Variants in DAZAP1 observed in about 807,000 individuals in gnomAD.
DAZAP1 encodes the protein DAZ associated protein 1.
A neutral mutation model predicts 60.1 loss-of-function variants in DAZAP1; 6 were observed. The observed-to-expected ratio is 0.10, with a 90% CI of 0.05 to 0.20. The LOEUF (loss-of-function observed/expected upper bound fraction) is 0.20, where lower values mean the gene tolerates loss of function less well. DAZAP1 is among the 10% of genes least tolerant of loss of function. DAZAP1 has a pLI of 1.00. For synonymous variants in DAZAP1, 235 were observed against 215.9 expected, an observed-to-expected ratio of 1.09 and a Z score of -0.78; for missense variants, 366 against 560.4, an observed-to-expected ratio of 0.65 and a Z score of 3.50.
chr19:1,422,498 C>T lies in DAZAP1; in HGVS notation c.463+102C>T. On this transcript the variant is annotated intron_variant, in intron 6 of 11. Coordinates refer to ENST00000233078, the MANE Select transcript of DAZAP1 (RefSeq NM_018959.4). This position sits in a 1 kb window ranked among gnomAD's most constrained non-coding sequence, Gnocchi z 4.5. ...ACACACAGGTGGCGGCTGTAGCAAA[C>T]AGCCTCAGGAAGGGACGATTTGGAG... 1 of 1,136,444 alleles carries T rather than the reference C, an allele frequency of 8.8e-7. No homozygotes were observed. Among genetic ancestry groups the T allele is most frequent in the East Asian group, 2.5e-5 (1 of 40,630 alleles). The allele number at this position is 1,136,444 out of a possible 1,614,324, so 70.4% of individuals were successfully genotyped here.
In DAZAP1 at chr19:1,435,417, G is replaced by C. The variant is rs2083574385; in HGVS notation, c.*505G>C. On this transcript the variant is annotated 3_prime_UTR_variant, in exon 12 of 12. Coordinates refer to ENST00000233078, the MANE Select transcript of DAZAP1 (RefSeq NM_018959.4). ...CTCCTGGCTTTGGGGGTTGGGACTTGGTGGTCCAGAAACTCTGGGAGCTTC... is the reference window on the plus strand; with the variant it reads ...CTCCTGGCTTTGGGGGTTGGGACTTCGTGGTCCAGAAACTCTGGGAGCTTC... 6.6e-6 allele frequency: 1 copy of C among 152,240 alleles called. No homozygotes were observed. The highest frequency in any genetic ancestry group is 6.5e-5 in the Admixed American group (1 of 15,282). The allele number at this position is 152,240 out of a possible 1,614,324, so 9.4% of individuals were successfully genotyped here. A position where few individuals can be genotyped will look rare whatever the true frequency, so the allele number is the denominator to read the frequency against.
chr19:1,412,673 CTT>C (rs2082864465), intron 1 of DAZAP1, among the ~76,000 whole-genome samples: 1 of 152,260 alleles, frequency 6.6e-6, no homozygotes, highest in South Asian at 2.1e-4. Context: ...TGCAGATGGA[CTT>C]TACGCATAAA....
In DAZAP1 at chr19:1,426,448, T is replaced by A. The variant is rs1600231064; in HGVS notation, c.546+488T>A. 6.3e-6 allele frequency: 1 copy of A among 158,020 alleles called. No homozygotes were observed. The highest frequency in any genetic ancestry group is 1.8e-4 in the South Asian group (1 of 5,486). The allele number at this position is 158,020 out of a possible 1,614,324, so 9.8% of individuals were successfully genotyped here. A position where few individuals can be genotyped will look rare whatever the true frequency, so the allele number is the denominator to read the frequency against. On this transcript the variant is annotated intron_variant, in intron 7 of 11. Transcript: ENST00000233078. The surrounding 1 kb of genome is among the most constrained non-coding windows in gnomAD (Gnocchi z 5.4). ...GACTGGTTGTTTGAATTGGGTCACT[T>A]ACTGTGGAACTCCGGCACCAGCCAC...
Position 1,416,210 on chromosome 19 carries a change from C to T in DAZAP1, c.30-1290C>T, listed in dbSNP as rs2082980439. ...GCTGGTGGGGCAGTAACGTGTTCAA[C>T]CTGACAGCGACGTTTTTGCTGAAAG... On this transcript the variant is annotated intron_variant, in intron 1 of 11. Transcript: ENST00000233078. The surrounding 1 kb of genome is among the most constrained non-coding windows in gnomAD (Gnocchi z 4.3). The T allele has an allele frequency of 6.6e-6, 1 of 152,220 alleles. No individual in the cohort carries two copies. Among genetic ancestry groups the T allele is most frequent in the South Asian group, 2.1e-4 (1 of 4,830 alleles). 9.4% of individuals were successfully genotyped at this position (152,220 alleles called of 1,614,324 possible). A position where few individuals can be genotyped will look rare whatever the true frequency, so the allele number is the denominator to read the frequency against.
rs2083559975 is a variant in DAZAP1, at chr19:1,434,940, C to G, written c.*28C>G. 1 of 1,326,980 alleles carries G rather than the reference C, an allele frequency of 7.5e-7. No homozygotes were observed. The highest frequency in any genetic ancestry group is 4.0e-5 in the Admixed American group (1 of 25,238). 82.2% of individuals were successfully genotyped at this position (1,326,980 alleles called of 1,614,324 possible). On this transcript the variant is annotated 3_prime_UTR_variant, in exon 12 of 12. Transcript: ENST00000233078. This position sits in a 1 kb window ranked among gnomAD's most constrained non-coding sequence, Gnocchi z 8.0. Reference sequence around the variant, plus strand: ...CGCGGCGCCGCGACGTCTGCACGGCCCAGACCCAGGATTCCAAACTTGTGA... The same window carrying G: ...CGCGGCGCCGCGACGTCTGCACGGCGCAGACCCAGGATTCCAAACTTGTGA...
chr19:1,431,561 C>T (rs557195208), intron 10 of DAZAP1, among the ~76,000 whole-genome samples: 1 of 152,246 alleles, frequency 6.6e-6, no homozygotes, highest in East Asian at 1.9e-4. Context: ...TCCTGAGTAG[C>T]TGGGATTACA....
At position 1,434,115 on chromosome 19, in the gene DAZAP1, T is replaced by C; in HGVS notation, c.1049-622T>C. 1 of 439,702 alleles carries C rather than the reference T, an allele frequency of 2.3e-6. No individual in the cohort carries two copies. Among genetic ancestry groups the C allele is most frequent in the South Asian group, 2.8e-5 (1 of 35,420 alleles). The allele number at this position is 439,702 out of a possible 1,614,324, so 27.2% of individuals were successfully genotyped here. ...GGGAGCGGCGTGAGCAGCTCTGTCC[T>C]TGTAAAGACACCGCTGTCCATGCTC... is the stretch of plus-strand genomic sequence containing the variant. On this transcript the variant is annotated intron_variant, in intron 11 of 11. Coordinates refer to ENST00000233078, the MANE Select transcript of DAZAP1 (RefSeq NM_018959.4). The surrounding 1 kb of genome is among the most constrained non-coding windows in gnomAD (Gnocchi z 8.0).
rs878911770 is a variant in DAZAP1, at chr19:1,407,619, AGCCGCCGCCGCCGCCGCC to A, written c.-129_-112del. ...ACCGTTGGCGCCGAGGGGAGGAGGCAGCCGCCGCCGCCGCCGCCGCCGCCGCCGCCGCCGCCGCCGCCG... is the reference window on the plus strand; with the variant it reads ...ACCGTTGGCGCCGAGGGGAGGAGGCAGCCGCCGCCGCCGCCGCCGCCGCCG... On this transcript the variant is annotated 5_prime_UTR_variant, in exon 1 of 12. Transcript: ENST00000233078. 84 of 239,852 alleles carry A rather than the reference AGCCGCCGCCGCCGCCGCC, an allele frequency of 3.5e-4. No individual in the cohort carries two copies. The highest frequency in any genetic ancestry group is 2.0e-3 in the Middle Eastern group (1 of 512). 14.9% of individuals were successfully genotyped at this position (239,852 alleles called of 1,614,324 possible). A position where few individuals can be genotyped will look rare whatever the true frequency, so the allele number is the denominator to read the frequency against.
chr19:1,417,903 C>T (rs935966363), intron 2 of DAZAP1, among the ~76,000 whole-genome samples: 2 of 151,898 alleles, frequency 1.3e-5, no homozygotes, highest in African/African-American at 4.8e-5. Flanking sequence ...TTGGCCACTG[C>T]CAGCATTCAG....
chr19:1,430,004 C>A lies in DAZAP1; in HGVS notation c.730+8C>A, dbSNP rs183040536. ...CGGCAGGACAGGCGATTGGTAAGTCCTTGTTTATAGAGCAAAGGCGGGGAC... is the reference window on the plus strand; with the variant it reads ...CGGCAGGACAGGCGATTGGTAAGTCATTGTTTATAGAGCAAAGGCGGGGAC... On this transcript the variant is annotated splice_region_variant and intron_variant, in intron 9 of 11. Transcript: ENST00000233078. 6.4e-7 allele frequency: 1 copy of A among 1,574,332 alleles called. No individual in the cohort carries two copies. Among genetic ancestry groups the A allele is most frequent in the South Asian group, 1.2e-5 (1 of 86,378 alleles).
Position 1,423,385 on chromosome 19 carries a change from CTG to C in DAZAP1, c.463+992_463+993del, listed in dbSNP as rs1172276256. Among the ~76,000 whole-genome samples the C allele has an allele frequency of 6.6e-6, 1 of 152,256 alleles. No individual in the cohort carries two copies. The highest frequency in any genetic ancestry group is 6.5e-5 in the Admixed American group (1 of 15,284). ...AAGTAAGCTGTTTTTCCTTTTCTCT[CTG>C]TGAATTGTGTGTGATTAACGATATC... On this transcript the variant is annotated intron_variant, in intron 6 of 11. Coordinates refer to ENST00000233078, the MANE Select transcript of DAZAP1 (RefSeq NM_018959.4). This position sits in a 1 kb window ranked among gnomAD's most constrained non-coding sequence, Gnocchi z 6.8.
intron 1 of DAZAP1, chr19:1,417,213 C>G: frequency 2.0e-6 from 1 of 492,970 alleles, no homozygotes; most frequent in Non-Finnish European, 3.6e-6. Flanking sequence ...GTGCCGTCAC[C>G]ACTGGCCTGT....
rs1569106840 is a variant in DAZAP1, at chr19:1,433,623, G to C, written c.1048+933G>C. ...TTGACCCACTCACCACCAAACCCTG[G>C]CGTGTCTGAGACTGGCAGGGGGGTG... On this transcript the variant is annotated intron_variant, in intron 11 of 11. Transcript: ENST00000233078. The surrounding 1 kb of genome is among the most constrained non-coding windows in gnomAD (Gnocchi z 6.1). 1 of 812,582 alleles carries C rather than the reference G, an allele frequency of 1.2e-6. No individual in the cohort carries two copies. The highest frequency in any genetic ancestry group is 2.0e-6 in the Non-Finnish European group (1 of 491,736). 50.3% of individuals were successfully genotyped at this position (812,582 alleles called of 1,614,324 possible).
chr19:1,413,255 C>T (rs559647879), intron 1 of DAZAP1, among the ~76,000 whole-genome samples: 6 of 152,366 alleles, frequency 3.9e-5, no homozygotes, highest in East Asian at 1.9e-4. Context: ...TGCCCGCGCC[C>T]GGCTTCCTGG....
chr19:1,424,820 A>G (rs1314951539), intron 6 of DAZAP1, among the ~76,000 whole-genome samples: 1 of 152,134 alleles, frequency 6.6e-6, no homozygotes, highest in Non-Finnish European at 1.5e-5. Context: ...TCTGCCGGGC[A>G]CTTCCATCTG....
chr19:1,407,902 A>G (rs2082710355), intron 1 of DAZAP1, 100 bp downstream of exon 1: 2 of 987,098 alleles, frequency 2.0e-6, no homozygotes, highest in South Asian at 9.3e-5. Context: ...CGCCCCGTCA[A>G]GGTCACGCCG....
At chr19:1,421,406 G>T in intron 5 of DAZAP1, 148 bp downstream of exon 5, 1 of 677,280 alleles carries the variant, frequency 1.5e-6, no homozygotes, top group South Asian at 1.8e-5. Context: ...CAACGCCTGC[G>T]CCCTCCGGAA....
intron 1 of DAZAP1, among the ~76,000 whole-genome samples, chr19:1,409,311 A>G (rs1175922788): frequency 6.6e-6 from 1 of 152,184 alleles, no homozygotes; most frequent in Non-Finnish European, 1.5e-5. Flanking sequence ...GATTAGGTCC[A>G]TTCAAGCCGC....
chr19:1,413,293 G>C (rs1457964853), intron 1 of DAZAP1, among the ~76,000 whole-genome samples: 4 of 152,244 alleles, frequency 2.6e-5, no homozygotes, highest in African/African-American at 4.8e-5. Flanking sequence ...TGTGAGAGTT[G>C]GTTCTGCTGC....
Sources: allele counts gnomAD v4.1 joint callset (sites outside exome capture counted in the v4.1 genomes callset), GRCh38; gene constraint gnomAD v4.1.1; non-coding constraint Gnocchi (gnomAD v3.1); transcripts MANE v1.5; gene names NCBI Gene and HGNC (gene_info 2026-07-23, HGNC 2026-07-21).